Variants in PTK2 observed in about 807,000 individuals in gnomAD.
The protein encoded by PTK2 is protein tyrosine kinase 2.
Under a neutral mutation model 150.1 loss-of-function variants are expected in PTK2, and 45 were observed. The observed-to-expected ratio is 0.30, with a 90% CI of 0.24 to 0.38. PTK2 has a LOEUF of 0.38. Among genes scored for constraint, PTK2 ranks in the 10% least tolerant of loss-of-function variants. PTK2 has a pLI of 1.00. For synonymous variants in PTK2, 432 were observed against 449.2 expected, an observed-to-expected ratio of 0.96 and a Z score of 0.48; for missense variants, 919 against 1,307.3, an observed-to-expected ratio of 0.70 and a Z score of 4.58.
At chr8:140,872,000 A>T (rs1423914191) in intron 4 of PTK2, among the ~76,000 whole-genome samples, 2 of 152,158 alleles carry the variant, frequency 1.3e-5, no homozygotes, top group Admixed American at 6.5e-5. Flanking sequence ...TGAGGTCAGG[A>T]GATCAAGACC....
chr8:140,669,962 G>A, intron 29 of PTK2: 1 of 553,412 alleles, frequency 1.8e-6, no homozygotes, highest in South Asian at 2.5e-5. Flanking sequence ...AGAGAGGTCT[G>A]CCATGCACCA....
At chr8:140,681,937 ATAAC>A (rs2100017222) in intron 27 of PTK2, among the ~76,000 whole-genome samples, 1 of 152,244 alleles carries the variant, frequency 6.6e-6, no homozygotes, top group African/African-American at 2.4e-5. Flanking sequence ...TAGGATATAA[ATAAC>A]TCTCACAAGC....
intron 14 of PTK2, among the ~76,000 whole-genome samples, chr8:140,784,751 C>A (rs775143522): frequency 2.6e-5 from 4 of 152,192 alleles, no homozygotes; most frequent in Non-Finnish European, 5.9e-5. Context: ...TCTACAGGTT[C>A]TCAGAACAAT....
chr8:140,784,814 T>C (rs141844985), intron 14 of PTK2, among the ~76,000 whole-genome samples: 283 of 152,374 alleles, frequency 1.9e-3, no homozygotes, highest in Middle Eastern at 3.4e-3. Context: ...TCTCTGTTAA[T>C]CTTACACTTA....
chr8:140,671,378 T>A (rs957683470), intron 29 of PTK2, among the ~76,000 whole-genome samples: 1 of 152,152 alleles, frequency 6.6e-6, no homozygotes, highest in African/African-American at 2.4e-5. Context: ...CACACTACTA[T>A]GCACAGCTAA....
At chr8:140,696,102 A>C (rs1489999770) in intron 26 of PTK2, among the ~76,000 whole-genome samples, 1 of 152,134 alleles carries the variant, frequency 6.6e-6, no homozygotes, top group Admixed American at 6.5e-5. Context: ...ACATTCATTC[A>C]TTCGCTTAAT....
intron 22 of PTK2, among the ~76,000 whole-genome samples, chr8:140,721,388 G>A (rs764394378): frequency 2.0e-5 from 3 of 152,130 alleles, no homozygotes; most frequent in African/African-American, 4.8e-5. Flanking sequence ...ATGTAAAGAT[G>A]TTACAACTAT....
chr8:140,933,920 G>C (rs976426134), intron 1 of PTK2, among the ~76,000 whole-genome samples: 3 of 151,630 alleles, frequency 2.0e-5, no homozygotes, highest in African/African-American at 7.3e-5. Flanking sequence ...ACAAGACAAA[G>C]ATTAAAGTGC....
intron 1 of PTK2, among the ~76,000 whole-genome samples, chr8:140,989,212 TAAAAAAAAAAAAA>T (rs71310816): frequency 9.9e-5 from 6 of 60,580 alleles, no homozygotes; most frequent in Admixed American, 2.7e-4. Flanking sequence ...ACCCTGTCTC[TAAAAAAAAAAAAA>T]AAAAAAAAAA....
intron 1 of PTK2, among the ~76,000 whole-genome samples, chr8:140,938,448 C>T (rs2100174470): frequency 6.6e-6 from 1 of 152,116 alleles, no homozygotes; most frequent in African/African-American, 2.4e-5. Flanking sequence ...GAGAACACCG[C>T]CCCACTCCTT....
chr8:140,802,578 G>A (rs1405514030), intron 11 of PTK2, among the ~76,000 whole-genome samples: 3 of 152,038 alleles, frequency 2.0e-5, no homozygotes, highest in Admixed American at 1.3e-4. Context: ...CAGTAATGTC[G>A]TAGATCTTCA....
At chr8:140,686,894 C>A in intron 26 of PTK2, 200 bp from the exon 30 acceptor site, 1 of 573,024 alleles carries the variant, frequency 1.7e-6, no homozygotes, top group Non-Finnish European at 3.1e-6. Context: ...TCTCCACACA[C>A]GCACACCTTA....
At chr8:140,974,029 G>A (rs1275263659) in intron 1 of PTK2, among the ~76,000 whole-genome samples, 1 of 152,150 alleles carries the variant, frequency 6.6e-6, no homozygotes, top group Non-Finnish European at 1.5e-5. Flanking sequence ...ATATGGAGCA[G>A]CTTACCAAGT....
chr8:140,791,645 T>C (rs1460407234), intron 13 of PTK2, among the ~76,000 whole-genome samples: 1 of 152,010 alleles, frequency 6.6e-6, no homozygotes, highest in African/African-American at 2.4e-5. Flanking sequence ...CAGGAAAACA[T>C]GATGGGGATG....
chr8:140,739,978 G>A (rs1426769845), intron 20 of PTK2, among the ~76,000 whole-genome samples: 1 of 152,216 alleles, frequency 6.6e-6, no homozygotes, highest in Non-Finnish European at 1.5e-5. Context: ...TAGCCACTAG[G>A]TGAATGCATC....
intron 27 of PTK2, among the ~76,000 whole-genome samples, chr8:140,681,256 G>A (rs1447667102): frequency 6.6e-6 from 1 of 151,902 alleles, no homozygotes; most frequent in African/African-American, 2.4e-5. Context: ...GGGAGGCTGA[G>A]GCAGGAGAAT....
At chr8:140,907,513 C>T (rs1293606175) in intron 2 of PTK2, among the ~76,000 whole-genome samples, 1 of 152,084 alleles carries the variant, frequency 6.6e-6, no homozygotes, top group Non-Finnish European at 1.5e-5. Flanking sequence ...TTGCCTTCCC[C>T]AGCAATCATA....
At chr8:140,997,982 C>T (rs1319196083) in intron 1 of PTK2, among the ~76,000 whole-genome samples, 3 of 152,178 alleles carry the variant, frequency 2.0e-5, no homozygotes, top group African/African-American at 7.2e-5. Flanking sequence ...TGTTACTGCA[C>T]ACTTACTATA....
At chr8:140,845,539 A>G (rs1353586543) in intron 7 of PTK2, among the ~76,000 whole-genome samples, 1 of 152,212 alleles carries the variant, frequency 6.6e-6, no homozygotes, top group Admixed American at 6.5e-5. Context: ...CACATCAAGT[A>G]CCATTCTCCT....
Sources: gnomAD v4.1 joint callset for allele counts (sites outside exome capture counted in the v4.1 genomes callset) on GRCh38, gnomAD v4.1.1 for gene constraint, MANE v1.5 for transcripts, NCBI Gene and HGNC (gene_info 2026-07-23, HGNC 2026-07-21) for gene names.